ZMYND8: variants seen among roughly 807,000 people sequenced by gnomAD.
The protein encoded by ZMYND8 is MYND-type zinc finger-containing chromatin reader ZMYND8.
A neutral mutation model predicts 140.8 loss-of-function variants in ZMYND8; 37 were observed. That is an observed-to-expected ratio of 0.26 (90% CI 0.20 to 0.35). ZMYND8 has a LOEUF of 0.35. ZMYND8 is among the 10% of genes least tolerant of loss of function. The probability of loss-of-function intolerance (pLI) is 1.00; values close to 1 mark genes in which losing one functional copy is unlikely to be tolerated. For missense variants in ZMYND8, 1,068 were observed against 1,570.0 expected (o/e 0.68, Z 5.40); for synonymous variants, 592 against 597.1 (o/e 0.99, Z 0.12).
At chr20:47,290,077 T>C (rs1482140960) in intron 7 of ZMYND8, 110 bp downstream of exon 7, 4 of 1,032,092 alleles carry the variant, frequency 3.9e-6, no homozygotes, top group Non-Finnish European at 5.6e-6. Flanking sequence ...GCACAATCTA[T>C]ACGCAAGTAT....
At chr20:47,288,392 C>CTTTTTTTTTTTTTT (rs11411701) in intron 7 of ZMYND8, among the ~76,000 whole-genome samples, 1 of 123,292 alleles carries the variant, frequency 8.1e-6, no homozygotes, top group African/African-American at 3.1e-5. Context: ...TACACCAATT[C>CTTTTTTTTTTTTTT]TTTTTTTTTT....
intron 2 of ZMYND8, among the ~76,000 whole-genome samples, chr20:47,328,740 G>A (rs1354602408): frequency 1.3e-5 from 2 of 152,220 alleles, no homozygotes; most frequent in Admixed American, 6.5e-5. Context: ...TTCCAGGCAT[G>A]AGCCACCGTG....
chr20:47,234,183 G>A (rs987496527), intron 16 of ZMYND8, among the ~76,000 whole-genome samples: 1 of 152,202 alleles, frequency 6.6e-6, no homozygotes, highest in Non-Finnish European at 1.5e-5. Context: ...TAAGTAGCTG[G>A]GACTACAGGC....
intron 18 of ZMYND8, among the ~76,000 whole-genome samples, chr20:47,225,603 G>T (rs2037602157): frequency 5.2e-4 from 45 of 86,442 alleles, no homozygotes; most frequent in Non-Finnish European, 7.3e-4. Context: ...GGAAGGAGGG[G>T]ATGGGAGGGG....
At chr20:47,310,764 G>A (rs962810034) in intron 2 of ZMYND8, among the ~76,000 whole-genome samples, 1 of 146,578 alleles carries the variant, frequency 6.8e-6, no homozygotes, top group Non-Finnish European at 1.5e-5. Context: ...CCAGCCTGGG[G>A]GACAGGGCAA....
chr20:47,294,632 T>C (rs2077526799), intron 5 of ZMYND8, 34 bp downstream of exon 5: 1 of 1,586,584 alleles, frequency 6.3e-7, no homozygotes, highest in Admixed American at 1.7e-5. Flanking sequence ...ATTACGTTCA[T>C]TTACGCGTAT....
At chr20:47,257,200 A>G (rs1461325226) in intron 12 of ZMYND8, among the ~76,000 whole-genome samples, 1 of 152,100 alleles carries the variant, frequency 6.6e-6, no homozygotes, top group East Asian at 1.9e-4. Flanking sequence ...TGAATTAGCA[A>G]CCTGGGCAAG....
chr20:47,239,952 T>C (rs76133262), intron 14 of ZMYND8, among the ~76,000 whole-genome samples: 3,142 of 152,278 alleles, frequency 0.021, 62 homozygotes, highest in African/African-American at 0.053. Context: ...ACTAAAAAAA[T>C]GAGGCCAAGC....
chr20:47,219,504 C>T (rs1164835635), intron 21 of ZMYND8, among the ~76,000 whole-genome samples: 3 of 145,922 alleles, frequency 2.1e-5, no homozygotes, highest in African/African-American at 2.5e-5. Flanking sequence ...CCAGCCTGGG[C>T]GACAGGGCAA....
At chr20:47,313,797 G>T (rs1242157591) in intron 2 of ZMYND8, among the ~76,000 whole-genome samples, 1 of 151,802 alleles carries the variant, frequency 6.6e-6, no homozygotes, top group Non-Finnish European at 1.5e-5. Context: ...GCTGGGTGTG[G>T]TGGCACGTGC....
intron 5 of ZMYND8, among the ~76,000 whole-genome samples, chr20:47,293,103 CGAGGAAAG>C (rs1438745002): frequency 1.0e-5 from 1 of 99,360 alleles, no homozygotes; most frequent in African/African-American, 4.1e-5. Context: ...GAGGGAGGGA[CGAGGAAAG>C]AAGGAAGGAA....
intron 8 of ZMYND8, among the ~76,000 whole-genome samples, chr20:47,286,370 G>A (rs1261297850): frequency 6.6e-6 from 1 of 151,774 alleles, no homozygotes; most frequent in Non-Finnish European, 1.5e-5. Context: ...GTGGAGACGG[G>A]GTTTTGCCAT....
intron 2 of ZMYND8, chr20:47,318,793 T>G: frequency 1.9e-6 from 1 of 515,748 alleles, no homozygotes; most frequent in African/African-American, 2.0e-5. Flanking sequence ...AACAGGAACT[T>G]CTCATCCAGA....
At chr20:47,220,377 C>T (rs555028005) in intron 20 of ZMYND8, 53 bp from the exon 21 acceptor site, 1 of 1,437,344 alleles carries the variant, frequency 7.0e-7, no homozygotes, top group South Asian at 1.2e-5. Context: ...CTACTGTCGC[C>T]CCCACAGGGA....
chr20:47,241,364 C>T (rs1390781615), intron 14 of ZMYND8, among the ~76,000 whole-genome samples: 4 of 147,840 alleles, frequency 2.7e-5, no homozygotes, highest in Non-Finnish European at 6.0e-5. Context: ...GACTTGAGAA[C>T]GGGAAAGACA....
rs141800304 is a variant in ZMYND8 at position 47,344,977 on chromosome 20, G to A, written c.85+2879C>T. ...AAAAAAAATTTTTTTAATTAGCCAG[G>A]TGAGGTGGTGTGCACCTGTAGTCCC... On this transcript the variant is annotated intron_variant, in intron 2 of 22. Coordinates refer to ENST00000471951, the MANE Select transcript of ZMYND8 (RefSeq NM_001281775.3). 3.4e-3 allele frequency among the ~76,000 whole-genome samples: 511 copies of A among 151,892 alleles called. 3 individuals carry two copies. Among genetic ancestry groups the A allele is most frequent in the African/African-American group, 0.012 (500 of 41,310 alleles).
At chr20:47,284,532 A>G (rs1415503897) in intron 8 of ZMYND8, among the ~76,000 whole-genome samples, 1 of 152,190 alleles carries the variant, frequency 6.6e-6, no homozygotes, top group Non-Finnish European at 1.5e-5. Context: ...AGGTTCCCTC[A>G]AAGCCACATG....
intron 2 of ZMYND8, among the ~76,000 whole-genome samples, chr20:47,329,652 C>T (rs2080768054): frequency 6.6e-6 from 1 of 152,184 alleles, no homozygotes; most frequent in African/African-American, 2.4e-5. Flanking sequence ...GATCCACCCA[C>T]CTTGCCCTCC....
intron 11 of ZMYND8, among the ~76,000 whole-genome samples, chr20:47,271,075 TAAAAAGAAAAA>T (rs1486823361): frequency 4.0e-5 from 6 of 150,792 alleles, no homozygotes; most frequent in African/African-American, 1.2e-4. Flanking sequence ...AGACTCCGTC[TAAAAAGAAAAA>T]AAAAAGAAAG....
Sources: allele counts gnomAD v4.1 joint callset (sites outside exome capture counted in the v4.1 genomes callset), GRCh38; gene constraint gnomAD v4.1.1; transcripts MANE v1.5; gene names NCBI Gene and HGNC (gene_info 2026-07-23, HGNC 2026-07-21).